LIPN: variants seen among roughly 807,000 people sequenced by gnomAD.
LIPN encodes the protein lipase member N.
A neutral mutation model predicts 43.7 loss-of-function variants in LIPN; 32 were observed. The ratio of observed to expected loss-of-function variants is 0.73; its 90% CI spans 0.55 to 0.98. The LOEUF is 0.98. Ranked by LOEUF, LIPN falls within the 50% of genes least tolerant of loss-of-function variation. The pLI, the probability that LIPN is intolerant of heterozygous loss-of-function variation, is 0.00. For synonymous variants in LIPN, 156 were observed against 157.6 expected, an observed-to-expected ratio of 0.99 and a Z score of 0.08; for missense variants, 505 against 483.8, an observed-to-expected ratio of 1.04 and a Z score of -0.41.
upstream of LIPN, among the ~76,000 whole-genome samples, chr10:88,758,612 C>T (rs2604963): frequency 0.24 from 35,555 of 148,616 alleles, 4,388 homozygotes; most frequent in East Asian, 0.37. Flanking sequence ...ATATATAATA[C>T]TCAGTAATAT....
At chr10:88,769,069 T>C in intron 6 of LIPN, 141 bp downstream of exon 6, 1 of 791,530 alleles carries the variant, frequency 1.3e-6, no homozygotes, top group African/African-American at 1.7e-5. Context: ...TGTGCTTGTG[T>C]ATGTGTGTCC....
At chr10:88,774,610 G>T in intron 8 of LIPN, 66 bp downstream of exon 8, 1 of 1,374,074 alleles carries the variant, frequency 7.3e-7, no homozygotes, top group South Asian at 1.2e-5. Flanking sequence ...AGACAGAATT[G>T]ACCCTGTTAA....
rs145900622 is a variant in LIPN, at chr10:88,762,007, G to A, written c.109-181G>A. Among the ~76,000 whole-genome samples, 491 of 152,080 alleles carry A rather than the reference G, an allele frequency of 3.2e-3. 1 individual carries two copies. The highest frequency in any genetic ancestry group is 0.011 in the African/African-American group (472 of 41,514). ...CAACCCCCCAAAATATTAGCCAATA[G>A]TAGATATTTTTTAAAATTCTACTTA... On this transcript the variant is annotated intron_variant, in intron 2 of 9. Coordinates refer to ENST00000404459, the MANE Select transcript of LIPN (RefSeq NM_001102469.2).
At position 88,762,277 on chromosome 10, in the gene LIPN, T is replaced by C. The variant is rs1247967618; in HGVS notation, c.198T>C (p.Pro66=). 1 of 1,607,538 alleles carries C rather than the reference T, an allele frequency of 6.2e-7. No individual in the cohort carries two copies. The highest frequency in any genetic ancestry group is 1.7e-5 in the Admixed American group (1 of 59,342). ...ATATACTCCTTGTCAACAGAATTCC[T>C]TATGGGCGAACACATGCTAGGAGCA... ...DGYILLVNRI[P]YGRTHARSTG... is the part of the protein sequence containing the mutation. The change falls in exon 3 of 10, where the codon CCT becomes CCC. Residue 66 remains proline (P), a synonymous_variant. Transcript: ENST00000404459.
At chr10:88,760,273 T>C (rs1842976643) in intron 1 of LIPN, among the ~76,000 whole-genome samples, 167 bp downstream of exon 1, 1 of 152,100 alleles carries the variant, frequency 6.6e-6, no homozygotes. Context: ...AAGCCTTTGT[T>C]TTTTTAATTG....
chr10:88,771,747 T>TG (rs1271961906), intron 7 of LIPN, among the ~76,000 whole-genome samples: 1 of 151,220 alleles, frequency 6.6e-6, no homozygotes, highest in Non-Finnish European at 1.5e-5. Context: ...TGATTTCCTT[T>TG]TTTTTTTTTT....
upstream of LIPN, among the ~76,000 whole-genome samples, chr10:88,759,410 G>C (rs1428541802): frequency 6.6e-6 from 1 of 152,154 alleles, no homozygotes; most frequent in African/African-American, 2.4e-5. Flanking sequence ...GGTATCTCAT[G>C]TGGGGCTTAG....
Position 88,764,586 on chromosome 10 carries a change from G to T in LIPN, c.403G>T (p.Asp135Tyr). Residue 135 changes from aspartate to tyrosine, a missense_variant, in exon 4 of 10, where the codon GAT becomes TAT. Physicochemically the swap from Asp to Tyr is radical, Grantham distance 160 (BLOSUM62 -3). Transcript: ENST00000404459. ...AAGACACAAAACACTCTCAGAGACA[G>T]ATGAGAAATTCTGGGCCTTTAGGTA... is the stretch of plus-strand genomic sequence containing the variant. ...SRRHKTLSET[D>Y]EKFWAFSFDE... 1.9e-6 allele frequency: 3 copies of T among 1,604,396 alleles called. No homozygotes were observed. The highest frequency in any genetic ancestry group is 2.6e-6 in the Non-Finnish European group (3 of 1,175,018).
At chr10:88,771,097 A>G (rs1267909447) in intron 7 of LIPN, 106 bp downstream of exon 7, 6 of 998,606 alleles carry the variant, frequency 6.0e-6, no homozygotes, top group Non-Finnish European at 7.2e-6. Context: ...TGGTATTCCA[A>G]ACCCTTAAAG....
upstream of LIPN, among the ~76,000 whole-genome samples, chr10:88,759,841 C>T (rs1393661146): frequency 6.6e-6 from 1 of 152,084 alleles, no homozygotes; most frequent in Non-Finnish European, 1.5e-5. Context: ...TGAAGGATTC[C>T]GTCAAACTGG....
chr10:88,765,391 T>C (rs1489345958), intron 4 of LIPN, among the ~76,000 whole-genome samples: 4 of 152,010 alleles, frequency 2.6e-5, no homozygotes, highest in African/African-American at 9.6e-5. Context: ...TTGAGAATAG[T>C]GGAGGAATAG....
chr10:88,770,704 G>T, intron 6 of LIPN, 141 bp from the exon 7 acceptor site: 1 of 513,196 alleles, frequency 1.9e-6, no homozygotes, highest in Non-Finnish European at 3.4e-6. Flanking sequence ...TTGGTTTTTT[G>T]CTATTGCTAT....
intron 7 of LIPN, among the ~76,000 whole-genome samples, chr10:88,773,912 G>T (rs902454591): frequency 1.3e-5 from 2 of 151,704 alleles, no homozygotes; most frequent in African/African-American, 2.4e-5. Context: ...AATAACCTTT[G>T]GAAAAAATTG....
chr10:88,764,910 AAT>A lies in LIPN; in HGVS notation c.425+303_425+304del, dbSNP rs1843067646. 2.6e-5 allele frequency among the ~76,000 whole-genome samples: 4 copies of A among 152,136 alleles called. No individual in the cohort carries two copies. The South Asian group carries it at 8.3e-4, about 31-fold the overall frequency. On this transcript the variant is annotated intron_variant, in intron 4 of 9. Transcript: ENST00000404459. Reference sequence around the variant, plus strand: ...GACCAATGTGCACATTCATTCAGCCAATGTTTACTGAGTGGCTACTGTATGCG... The same window carrying A: ...GACCAATGTGCACATTCATTCAGCCAGTTTACTGAGTGGCTACTGTATGCG...
chr10:88,767,548 G>A (rs1843123351), intron 5 of LIPN, among the ~76,000 whole-genome samples: 1 of 149,394 alleles, frequency 6.7e-6, no homozygotes, highest in South Asian at 2.1e-4. Flanking sequence ...AATAGGGTGT[G>A]TAAGGATTCC....
intron 4 of LIPN, among the ~76,000 whole-genome samples, chr10:88,765,745 A>T (rs1248132497): frequency 6.6e-6 from 1 of 151,726 alleles, no homozygotes; most frequent in Admixed American, 6.6e-5. Context: ...TTTCTTTCAT[A>T]CTATTAAACC....
rs780242265 is a variant in LIPN, at chr10:88,762,280, T to C, written c.201T>C (p.Tyr67=). The change falls in exon 3 of 10, where the codon TAT becomes TAC. Residue 67 remains tyrosine, a synonymous_variant. Coordinates refer to ENST00000404459, the MANE Select transcript of LIPN (RefSeq NM_001102469.2). ...TACTCCTTGTCAACAGAATTCCTTA[T>C]GGGCGAACACATGCTAGGAGCACAG... ...GYILLVNRIP[Y]GRTHARSTGP... The C allele has an allele frequency of 6.2e-7, 1 of 1,606,880 alleles. No individual in the cohort carries two copies. The highest frequency in any genetic ancestry group is 1.3e-5 in the African/African-American group (1 of 74,766).
At chr10:88,762,585 A>T (rs151094353) in intron 3 of LIPN, among the ~76,000 whole-genome samples, 91 of 152,160 alleles carry the variant, frequency 6.0e-4, no homozygotes, top group African/African-American at 2.1e-3. Flanking sequence ...TTGTCACCTC[A>T]TTACTGATTT....
At chr10:88,761,612 C>T (rs1842998003) in intron 2 of LIPN, 99 bp downstream of exon 2, 1 of 781,344 alleles carries the variant, frequency 1.3e-6, no homozygotes, top group Admixed American at 2.4e-5. Context: ...TCTGATAAAA[C>T]AGATAAAATG....
Sources: gnomAD v4.1 joint callset for allele counts (sites outside exome capture counted in the v4.1 genomes callset) on GRCh38, gnomAD v4.1.1 for gene constraint, MANE v1.5 for transcripts, NCBI Gene and HGNC (gene_info 2026-07-23, HGNC 2026-07-21) for gene names.